Variants in QRICH1 observed in about 807,000 individuals in gnomAD.
QRICH1 encodes the protein glutamine rich 1.
In QRICH1, 16 loss-of-function variants were observed where a neutral mutation model predicts 87.1. The ratio of observed to expected loss-of-function variants is 0.18; its 90% CI spans 0.12 to 0.28. QRICH1 has a LOEUF of 0.28. QRICH1 is among the 10% of genes least tolerant of loss of function. The probability of loss-of-function intolerance (pLI) is 1.00; values close to 1 mark genes in which losing one functional copy is unlikely to be tolerated. For synonymous variants in QRICH1, 367 were observed against 368.4 expected (o/e 1.00, Z 0.05); for missense variants, 647 against 951.7 (o/e 0.68, Z 4.21).
At chr3:49,040,346 A>G (rs566312012) in intron 6 of QRICH1, among the ~76,000 whole-genome samples, 7 of 152,086 alleles carry the variant, frequency 4.6e-5, no homozygotes, top group African/African-American at 1.7e-4. Flanking sequence ...AGCAGCTCAC[A>G]CCTGTAATCC....
intron 1 of QRICH1, among the ~76,000 whole-genome samples, chr3:49,086,333 T>C (rs2107034095): frequency 6.6e-6 from 1 of 151,776 alleles, no homozygotes; most frequent in South Asian, 2.1e-4. Context: ...CTCGGCTCAC[T>C]GTAAGCTCCA....
intron 3 of QRICH1, among the ~76,000 whole-genome samples, chr3:49,051,799 G>C (rs1575341838): frequency 6.6e-6 from 1 of 152,170 alleles, no homozygotes; most frequent in African/African-American, 2.4e-5. Flanking sequence ...GCAGTGGCTA[G>C]AGCATGGGAG....
intron 9 of QRICH1, among the ~76,000 whole-genome samples, chr3:49,031,942 C>T (rs2093243103): frequency 6.6e-6 from 1 of 152,144 alleles, no homozygotes; most frequent in African/African-American, 2.4e-5. Flanking sequence ...ACCTTCATAC[C>T]CTTTTCATGA....
Position 49,046,262 on chromosome 3 carries a change from T to TAA in QRICH1, c.1671+161_1671+162dup, listed in dbSNP as rs11374545. ...AGTGAACGTGTAGGTTTTTAAAACT[T>TAA]AAAAAAAAAAAAAAAACAACAAATG... is the stretch of plus-strand genomic sequence containing the variant. On this transcript the variant is annotated intron_variant, in intron 5 of 9. Transcript: ENST00000395443. 1.7e-3 allele frequency among the ~76,000 whole-genome samples: 221 copies of TAA among 129,906 alleles called. 1 individual carries two copies. In the East Asian group the frequency reaches 0.032, roughly 19 times the overall value. 85.2% of individuals were successfully genotyped at this position (129,906 alleles called of 152,430 possible).
chr3:49,030,024 A>G lies in QRICH1; in HGVS notation c.*428T>C. The G allele has an allele frequency of 3.9e-6, 1 of 256,956 alleles. No individual in the cohort carries two copies. Among genetic ancestry groups the G allele is most frequent in the Non-Finnish European group, 7.3e-6 (1 of 136,424 alleles). The allele number at this position is 256,956 out of a possible 1,614,324, so 15.9% of individuals were successfully genotyped here. On this transcript the variant is annotated 3_prime_UTR_variant, in exon 10 of 10. Coordinates refer to ENST00000395443, the MANE Select transcript of QRICH1 (RefSeq NM_198880.3). ...GTTTATGTCTGATCATGAAGAAAGA[A>G]AAGAACATCGTTCCCCTGTGGTCAG...
rs763981415 is a variant in QRICH1 at position 49,046,459 on chromosome 3, T to C, written c.1637A>G (p.Asp546Gly). The change falls in exon 5 of 10, where the codon GAT (aspartate) becomes GGT (glycine). Residue 546 changes from aspartate (D) to glycine (G), a missense_variant. Physicochemically the swap from Asp to Gly is moderately conservative, Grantham distance 94. Coordinates refer to ENST00000395443, the MANE Select transcript of QRICH1 (RefSeq NM_198880.3). ...ACACAGGAAAATATAGTAGAGCACA[T>C]CTGGGTCATAGGGTTCACCTTCTCC... ...RNGEGEPYDP[D>G]VLYYIFLCIQ... is the part of the protein sequence containing the mutation. 3 of 1,614,076 alleles carry C rather than the reference T, an allele frequency of 1.9e-6. No individual in the cohort carries two copies. Among genetic ancestry groups the C allele is most frequent in the Non-Finnish European group, 2.5e-6 (3 of 1,180,010 alleles).
chr3:49,091,987 G>A (rs183527716), intron 1 of QRICH1, among the ~76,000 whole-genome samples: 2 of 151,570 alleles, frequency 1.3e-5, no homozygotes, highest in African/African-American at 2.4e-5. Context: ...CAGGAGAATC[G>A]CTTCAACCAG....
chr3:49,046,351 AT>A, intron 5 of QRICH1, 73 bp downstream of exon 5: 2 of 1,444,722 alleles, frequency 1.4e-6, no homozygotes, highest in Non-Finnish European at 9.3e-7. Flanking sequence ...TTGCTTATCA[AT>A]TTATTAACTA....
chr3:49,032,887 G>T lies in QRICH1; in HGVS notation c.1896-114C>A, dbSNP rs2093250595. 2.3e-6 allele frequency: 3 copies of T among 1,322,118 alleles called. No individual in the cohort carries two copies. The East Asian group carries it at 7.2e-5, about 32-fold the overall frequency. The allele number at this position is 1,322,118 out of a possible 1,614,324, so 81.9% of individuals were successfully genotyped here. On this transcript the variant is annotated intron_variant, in intron 7 of 9. Coordinates refer to ENST00000395443, the MANE Select transcript of QRICH1 (RefSeq NM_198880.3). ...CACTGCCCACATTCCCAAGATCTGGGCAGGCCCGTACCCAAGCAGTGTCCA... is the reference window on the plus strand; with the variant it reads ...CACTGCCCACATTCCCAAGATCTGGTCAGGCCCGTACCCAAGCAGTGTCCA...
At chr3:49,038,043 A>ATTAAAAATT (rs1203088502) in intron 6 of QRICH1, among the ~76,000 whole-genome samples, 2 of 152,164 alleles carry the variant, frequency 1.3e-5, no homozygotes, top group African/African-American at 4.8e-5. Context: ...TTATAAGACT[A>ATTAAAAATT]TTAAAAATTT....
At chr3:49,093,403 G>C (rs1042781116) in intron 1 of QRICH1, 1 of 152,204 alleles carries the variant, frequency 6.6e-6, no homozygotes, top group African/African-American at 2.4e-5. Context: ...AGACCAGAAA[G>C]GACCCAATCC....
intron 6 of QRICH1, among the ~76,000 whole-genome samples, chr3:49,035,899 A>ACC (rs1272992430): frequency 7.8e-6 from 1 of 128,244 alleles, no homozygotes; most frequent in Non-Finnish European, 1.6e-5. Context: ...ACATGGCAAA[A>ACC]CCCCATTTCT....
intron 2 of QRICH1, among the ~76,000 whole-genome samples, chr3:49,064,376 G>A (rs1345333163): frequency 6.6e-6 from 1 of 151,598 alleles, no homozygotes; most frequent in African/African-American, 2.4e-5. Flanking sequence ...CGAGTAGCTG[G>A]GATTATAGGT....
At chr3:49,032,499 G>T (rs925751001) in intron 8 of QRICH1, 123 bp downstream of exon 8, 2 of 1,285,800 alleles carry the variant, frequency 1.6e-6, no homozygotes, top group African/African-American at 1.5e-5. Flanking sequence ...GGGGAGAAGG[G>T]AGTGGAGAAT....
intron 1 of QRICH1, among the ~76,000 whole-genome samples, chr3:49,082,520 G>A (rs1268181251): frequency 3.3e-5 from 5 of 151,866 alleles, no homozygotes; most frequent in Non-Finnish European, 5.9e-5. Context: ...TAGATATTCA[G>A]CTGTCAGAAA....
chr3:49,069,018 G>C (rs1575363444), intron 2 of QRICH1, among the ~76,000 whole-genome samples: 2 of 151,542 alleles, frequency 1.3e-5, no homozygotes, highest in African/African-American at 2.4e-5. Context: ...CATCCTGTAG[G>C]TTAGAAATTT....
At chr3:49,072,562 AC>A (rs2041863095) in intron 2 of QRICH1, among the ~76,000 whole-genome samples, 2 of 152,072 alleles carry the variant, frequency 1.3e-5, no homozygotes, top group South Asian at 2.1e-4. Context: ...TATGCCAGAT[AC>A]TTTATTATCT....
intron 2 of QRICH1, among the ~76,000 whole-genome samples, chr3:49,060,680 G>A (rs1427751178): frequency 2.0e-5 from 3 of 152,206 alleles, no homozygotes; most frequent in Non-Finnish European, 2.9e-5. Context: ...CCAAGGACTA[G>A]TACTGGTCCG....
intron 6 of QRICH1, among the ~76,000 whole-genome samples, chr3:49,033,987 CAAAAACAA>C (rs1278874769): frequency 2.4e-4 from 35 of 148,358 alleles, no homozygotes; most frequent in African/African-American, 5.5e-4. Context: ...ACTCCCATCT[CAAAAACAA>C]AAAAACAAAA....
Sources: allele counts gnomAD v4.1 joint callset (sites outside exome capture counted in the v4.1 genomes callset), GRCh38; gene constraint gnomAD v4.1.1; transcripts MANE v1.5; gene names NCBI Gene and HGNC (gene_info 2026-07-23, HGNC 2026-07-21).